Variants in ZHX2 observed in about 807,000 individuals in gnomAD.
The protein encoded by ZHX2 is zinc fingers and homeoboxes 2.
A neutral mutation model predicts 21.9 loss-of-function variants in ZHX2; 6 were observed. That is an observed-to-expected ratio of 0.27 (90% confidence interval 0.15 to 0.54). The LOEUF (loss-of-function observed/expected upper bound fraction) is 0.54, where lower values mean the gene tolerates loss of function less well. Ranked by LOEUF, ZHX2 falls within the 20% of genes least tolerant of loss-of-function variation. The probability of loss-of-function intolerance (pLI) is 0.95; values close to 1 mark genes in which losing one functional copy is unlikely to be tolerated. For missense variants in ZHX2, 908 were observed against 1,090.7 expected, an observed-to-expected ratio of 0.83 and a Z score of 2.36; for synonymous variants, 434 against 437.1, an observed-to-expected ratio of 0.99 and a Z score of 0.09.
At chr8:122,940,822 G>T (rs558055318) in intron 2 of ZHX2, among the ~76,000 whole-genome samples, 37 of 152,304 alleles carry the variant, frequency 2.4e-4, no homozygotes, top group African/African-American at 8.9e-4. Flanking sequence ...CATGGAGCCA[G>T]GATTATCTAG....
chr8:122,839,024 A>G (rs1287634596), intron 1 of ZHX2, among the ~76,000 whole-genome samples: 1 of 152,174 alleles, frequency 6.6e-6, no homozygotes, highest in Non-Finnish European at 1.5e-5. Context: ...CAAATCAGAA[A>G]TTATTATTTT....
Position 122,952,563 on chromosome 8 carries a change from G to A in ZHX2, c.1053G>A (p.Gln351=), listed in dbSNP as rs772180675. The change falls in exon 3 of 4, where the codon CAG becomes CAA. Residue 351 remains glutamine (Q), a synonymous_variant. Transcript: ENST00000314393. The surrounding 1 kb of genome is among the most constrained non-coding windows in gnomAD (Gnocchi z 6.9). ...VPPTITVLPA[Q]LAPTKVTQPI... is the part of the protein sequence containing the mutation. ...CGACCATCACTGTGCTGCCCGCCCAGTTGGCCCCCACAAAGGTGACGCAGC... is the reference window on the plus strand; with the variant it reads ...CGACCATCACTGTGCTGCCCGCCCAATTGGCCCCCACAAAGGTGACGCAGC... 3.1e-6 allele frequency: 5 copies of A among 1,614,150 alleles called. No individual in the cohort carries two copies. The highest frequency in any genetic ancestry group is 4.2e-6 in the Non-Finnish European group (5 of 1,180,034).
intron 1 of ZHX2, among the ~76,000 whole-genome samples, chr8:122,845,380 C>T (rs1173531792): frequency 6.6e-6 from 1 of 152,164 alleles, no homozygotes; most frequent in Non-Finnish European, 1.5e-5. Flanking sequence ...AATGAGATCT[C>T]ACTAGGCTTC....
chr8:122,938,929 A>T (rs1454362306), intron 2 of ZHX2, among the ~76,000 whole-genome samples: 1 of 152,198 alleles, frequency 6.6e-6, no homozygotes, highest in Non-Finnish European at 1.5e-5. Context: ...AGAGTCAGTG[A>T]TGGGGGATAT....
intron 1 of ZHX2, among the ~76,000 whole-genome samples, chr8:122,821,907 G>T (rs1486713211): frequency 3.3e-5 from 5 of 152,014 alleles, no homozygotes; most frequent in African/African-American, 1.2e-4. Flanking sequence ...GTTTCCCCAG[G>T]TTGGCCAGGC....
At chr8:122,968,477 T>A (rs548342805) in intron 3 of ZHX2, among the ~76,000 whole-genome samples, 1 of 152,284 alleles carries the variant, frequency 6.6e-6, no homozygotes, top group African/African-American at 2.4e-5. Flanking sequence ...TTCCCCTTTT[T>A]AAATTCTAGT....
chr8:122,881,303 A>C (rs1295086216), intron 2 of ZHX2, among the ~76,000 whole-genome samples: 2 of 152,178 alleles, frequency 1.3e-5, no homozygotes, highest in Non-Finnish European at 2.9e-5. Flanking sequence ...AAGGAGGTAA[A>C]GTCTGATACT....
At chr8:122,890,382 C>A (rs1016378301) in intron 2 of ZHX2, among the ~76,000 whole-genome samples, 1 of 152,082 alleles carries the variant, frequency 6.6e-6, no homozygotes, top group Non-Finnish European at 1.5e-5. Flanking sequence ...ATTTTGAAGT[C>A]AAGTAGTGTG....
chr8:122,870,665 A>T (rs1460716034), intron 2 of ZHX2, among the ~76,000 whole-genome samples: 1 of 113,678 alleles, frequency 8.8e-6, no homozygotes, highest in African/African-American at 4.1e-5. Context: ...AAAAAAAAAA[A>T]AGAAAGAGAA....
At chr8:122,844,735 C>G (rs1018184209) in intron 1 of ZHX2, among the ~76,000 whole-genome samples, 13 of 152,172 alleles carry the variant, frequency 8.5e-5, no homozygotes, top group Non-Finnish European at 1.6e-4. Flanking sequence ...CTCTCTCTCT[C>G]TGTGTCTGTC....
At chr8:122,879,972 CTTT>C (rs35351207) in intron 2 of ZHX2, among the ~76,000 whole-genome samples, 1 of 126,392 alleles carries the variant, frequency 7.9e-6, no homozygotes, top group Admixed American at 8.4e-5. Flanking sequence ...CTATTGTTAC[CTTT>C]TTTTTTTTTT....
chr8:122,938,229 A>G (rs1812755843), intron 2 of ZHX2, among the ~76,000 whole-genome samples: 1 of 151,744 alleles, frequency 6.6e-6, no homozygotes, highest in African/African-American at 2.4e-5. Flanking sequence ...CACCATGCCC[A>G]GTTTATGTTT....
At chr8:122,966,875 G>A (rs1813598107) in intron 3 of ZHX2, among the ~76,000 whole-genome samples, 2 of 152,060 alleles carry the variant, frequency 1.3e-5, no homozygotes, top group African/African-American at 4.8e-5. Flanking sequence ...TCTCTGTCAA[G>A]TTGGGTTAAT....
chr8:122,835,314 T>C (rs899082959), intron 1 of ZHX2, among the ~76,000 whole-genome samples: 2 of 151,708 alleles, frequency 1.3e-5, no homozygotes, highest in Admixed American at 1.3e-4. Flanking sequence ...CCCGAGCGAG[T>C]AAGGGCAGGA....
chr8:122,882,701 G>A (rs1037102319), intron 2 of ZHX2, among the ~76,000 whole-genome samples: 16 of 152,164 alleles, frequency 1.1e-4, no homozygotes, highest in African/African-American at 3.9e-4. Context: ...AAACCAAGAG[G>A]CTGGGCACAG....
intron 2 of ZHX2, among the ~76,000 whole-genome samples, chr8:122,874,548 G>A (rs1563763406): frequency 6.6e-6 from 1 of 152,106 alleles, no homozygotes; most frequent in Non-Finnish European, 1.5e-5. Flanking sequence ...GGCCAGGCTG[G>A]TCTCGAACTG....
At chr8:122,925,618 T>C (rs16897694) in intron 2 of ZHX2, among the ~76,000 whole-genome samples, 35,910 of 151,914 alleles carry the variant, frequency 0.24, 4,309 homozygotes, top group Middle Eastern at 0.32. Flanking sequence ...ACGCAAGAGG[T>C]TGGCCTTTGA....
In ZHX2 at chr8:122,954,004, G is replaced by A; in HGVS notation, c.2494G>A (p.Ala832Thr). The change falls in exon 3 of 4, where the codon GCA (alanine) becomes ACA (threonine). Residue 832 changes from alanine (A) to threonine (T), a missense_variant. This residue lies in a region of ZHX2 where 431 missense variants were observed against 428.6 expected (regional missense o/e 1.01). Transcript: ENST00000314393. Reference protein sequence around the residue: ...LAESDSDCVPAEAGQA With the variant: ...LAESDSDCVPTEAGQA ...TGAATCAGACTCCGACTGCGTCCCT[G>A]CAGAGGCTGGCCAGGCCTAGACAGG... 2 of 1,604,268 alleles carry A rather than the reference G, an allele frequency of 1.2e-6. No individual in the cohort carries two copies. Among genetic ancestry groups the A allele is most frequent in the Non-Finnish European group, 1.7e-6 (2 of 1,174,232 alleles).
chr8:122,782,410 T>A lies in ZHX2; in HGVS notation c.-283+464T>A, dbSNP rs1000585786. Among the ~76,000 whole-genome samples the A allele has an allele frequency of 1.3e-5, 2 of 152,030 alleles. No individual in the cohort carries two copies. The highest frequency in any genetic ancestry group is 2.9e-5 in the Non-Finnish European group (2 of 67,974). ...CCCTTCTTGGCCAAACTGCGGCGCT[T>A]TGTGCAAACGGGGCAGGTCCCGCGG... On this transcript the variant is annotated intron_variant, in intron 1 of 3. Transcript: ENST00000314393. The surrounding 1 kb of genome is among the most constrained non-coding windows in gnomAD (Gnocchi z 5.3).
Sources: allele counts gnomAD v4.1 joint callset (sites outside exome capture counted in the v4.1 genomes callset), GRCh38; gene constraint gnomAD v4.1.1; regional missense constraint gnomAD v4.1.1; non-coding constraint Gnocchi (gnomAD v3.1); transcripts MANE v1.5; gene names NCBI Gene and HGNC (gene_info 2026-07-23, HGNC 2026-07-21).